NCAPD3: variants seen among roughly 807,000 people sequenced by gnomAD.
The protein encoded by NCAPD3 is non-SMC condensin II complex subunit D3, also known as condensin-2 complex subunit D3.
NCAPD3 carries 105 observed loss-of-function variants against 182.9 expected under a neutral mutation model. The ratio of observed to expected loss-of-function variants is 0.57; its 90% CI spans 0.49 to 0.68. The LOEUF (loss-of-function observed/expected upper bound fraction) is 0.68, where lower values mean the gene tolerates loss of function less well. Among genes scored for constraint, NCAPD3 ranks in the 30% least tolerant of loss-of-function variants. The pLI, the probability that NCAPD3 is intolerant of heterozygous loss-of-function variation, is 0.00. For synonymous variants in NCAPD3, 815 were observed against 679.9 expected, an observed-to-expected ratio of 1.20 and a Z score of -3.09; for missense variants, 1,944 against 1,837.0, an observed-to-expected ratio of 1.06 and a Z score of -1.07.
At position 134,158,434 on chromosome 11, in the gene NCAPD3, G is replaced by A; in HGVS notation, c.3929C>T (p.Pro1310Leu). The change falls in exon 30 of 35, where the codon CCT (proline) becomes CTT (leucine). Residue 1310 changes from proline to leucine, a missense_variant. This residue lies in a region of NCAPD3 where 1,803 missense variants were observed against 1,674.6 expected (regional missense o/e 1.08). Coordinates refer to ENST00000534548, the MANE Select transcript of NCAPD3 (RefSeq NM_015261.3). ...PAGQENPAMS[P>L]AVSQPCTPRA... ...GGGTGTGCAGGGCTGGCTCACGGCAGGTGACATGGCAGGGTTTTCTTGGCC... is the reference window on the plus strand; with the variant it reads ...GGGTGTGCAGGGCTGGCTCACGGCAAGTGACATGGCAGGGTTTTCTTGGCC... The A allele has an allele frequency of 6.2e-7, 1 of 1,614,216 alleles. No individual in the cohort carries two copies. The highest frequency in any genetic ancestry group is 8.5e-7 in the Non-Finnish European group (1 of 1,180,048).
At position 134,204,195 on chromosome 11, in the gene NCAPD3, A is replaced by C; in HGVS notation, c.1090-24T>G. 6.2e-7 allele frequency: 1 copy of C among 1,610,922 alleles called. No individual in the cohort carries two copies. Among genetic ancestry groups the C allele is most frequent in the Non-Finnish European group, 8.5e-7 (1 of 1,178,356 alleles). On this transcript the variant is annotated intron_variant, in intron 9 of 34. Transcript: ENST00000534548. The surrounding 1 kb of genome is among the most constrained non-coding windows in gnomAD (Gnocchi z 4.3). The stretch of plus-strand genomic sequence containing the variant: ...ACCTGAAAAGCAAAAAGAGAAGTTG[A>C]CCAACCAATATCCACCCGCAGGATG...
At chr11:134,217,165 T>C in intron 2 of NCAPD3, 67 bp from the exon 3 acceptor site, 5 of 1,426,648 alleles carry the variant, frequency 3.5e-6, no homozygotes, top group East Asian at 2.5e-5. Context: ...TATTATTTGA[T>C]TTTTGTAAGT....
chr11:134,224,001 C>T (rs1938352802), upstream of NCAPD3: 1 of 1,545,298 alleles, frequency 6.5e-7, no homozygotes, highest in Admixed American at 1.9e-5. Context: ...CGAGTCGTTC[C>T]TGTGGACCAA....
chr11:134,176,304 T>C lies in NCAPD3; in HGVS notation c.3101+3A>G. The C allele has an allele frequency of 1.2e-6, 2 of 1,613,116 alleles. No individual in the cohort carries two copies. Among genetic ancestry groups the C allele is most frequent in the Non-Finnish European group, 8.5e-7 (1 of 1,179,054 alleles). ...AGTCGTCTGACGTGAGGAAAAGATT[T>C]ACCTGGCAATGTCTGGGTGTGAATC... On this transcript the variant is annotated splice_donor_region_variant and intron_variant, in intron 24 of 34. Coordinates refer to ENST00000534548, the MANE Select transcript of NCAPD3 (RefSeq NM_015261.3).
intron 32 of NCAPD3, 56 bp from the exon 33 acceptor site, chr11:134,153,419 T>G: frequency 3.8e-6 from 6 of 1,561,084 alleles, no homozygotes; most frequent in Non-Finnish European, 5.3e-6. Flanking sequence ...CGGAGGTCTC[T>G]GTTCTAGTTG....
At chr11:134,175,098 T>C (rs888891366) in intron 24 of NCAPD3, among the ~76,000 whole-genome samples, 37 of 152,244 alleles carry the variant, frequency 2.4e-4, no homozygotes, top group African/African-American at 8.9e-4. Context: ...TGCTCTTCAT[T>C]TGATTGATGA....
chr11:134,160,520 T>C (rs1269003569), intron 28 of NCAPD3, among the ~76,000 whole-genome samples: 1 of 152,180 alleles, frequency 6.6e-6, no homozygotes, highest in East Asian at 1.9e-4. Context: ...TGCTCATCTG[T>C]CTACATTAGC....
chr11:134,177,516 A>G, intron 22 of NCAPD3, 59 bp from the exon 23 acceptor site: 1 of 1,471,988 alleles, frequency 6.8e-7, no homozygotes, highest in Non-Finnish European at 9.4e-7. Flanking sequence ...TCCATTCCTA[A>G]ATTTTCTCCA....
Position 134,167,978 on chromosome 11 carries a change from G to C in NCAPD3, c.3573+18C>G, listed in dbSNP as rs749768183. The C allele has an allele frequency of 1.9e-6, 3 of 1,611,358 alleles. No individual in the cohort carries two copies. The Admixed American group carries it at 5.0e-5, about 27-fold the overall frequency. On this transcript the variant is annotated intron_variant, in intron 27 of 34. Coordinates refer to ENST00000534548, the MANE Select transcript of NCAPD3 (RefSeq NM_015261.3). Reference sequence around the variant, plus strand: ...ACTCACTTGTGAGAAGATGATCTTAGGGGAGCAACACACTCACTTGTGAGA... The same window carrying C: ...ACTCACTTGTGAGAAGATGATCTTACGGGAGCAACACACTCACTTGTGAGA...
intron 22 of NCAPD3, 44 bp from the exon 23 acceptor site, chr11:134,177,501 C>T (rs2135975314): frequency 2.6e-6 from 4 of 1,543,300 alleles, no homozygotes; most frequent in Middle Eastern, 1.7e-4. Flanking sequence ...ATTCTAAATC[C>T]TAATTCCATT....
chr11:134,222,937 TC>T (rs1938289044), intron 1 of NCAPD3, among the ~76,000 whole-genome samples: 1 of 152,224 alleles, frequency 6.6e-6, no homozygotes, highest in African/African-American at 2.4e-5. Context: ...GATATTGTAC[TC>T]CCCATTTGAC....
chr11:134,168,862 AT>A (rs907407504), intron 25 of NCAPD3, 54 bp downstream of exon 25: 1 of 1,571,398 alleles, frequency 6.4e-7, no homozygotes, highest in Non-Finnish European at 8.6e-7. Context: ...ACCTCCCCTG[AT>A]TCCCCCAGCT....
In NCAPD3 at chr11:134,192,856, C is replaced by T. The variant is rs145787978; in HGVS notation, c.1878G>A (p.Pro626=). The T allele has an allele frequency of 1.3e-4, 202 of 1,613,922 alleles. No individual in the cohort carries two copies. The highest frequency in any genetic ancestry group is 1.5e-4 in the Non-Finnish European group (180 of 1,179,932). Residue 626 remains proline, a synonymous_variant, in exon 16 of 35, where the codon CCG becomes CCA. Coordinates refer to ENST00000534548, the MANE Select transcript of NCAPD3 (RefSeq NM_015261.3). The part of the protein sequence containing the change: ...IQKAWLRGVV[P]VVMDCESTVQ... ...CAGTGCTCTCGCAGTCCATCACCAC[C>T]GGGACCACCCCCCGCAACCAGGCTT...
intron 13 of NCAPD3, among the ~76,000 whole-genome samples, 184 bp from the exon 14 acceptor site, chr11:134,194,922 T>C (rs1338420271): frequency 6.6e-6 from 1 of 152,222 alleles, no homozygotes; most frequent in African/African-American, 2.4e-5. Flanking sequence ...CTGTAATGCA[T>C]ATAAACTTTG....
chr11:134,221,779 C>A (rs188236641), intron 1 of NCAPD3, among the ~76,000 whole-genome samples: 1 of 152,208 alleles, frequency 6.6e-6, no homozygotes, highest in Admixed American at 6.5e-5. Flanking sequence ...AAAGGCCTTA[C>A]ACTCAACTAG....
At chr11:134,212,570 T>C (rs1325220249) in intron 3 of NCAPD3, among the ~76,000 whole-genome samples, 1 of 152,144 alleles carries the variant, frequency 6.6e-6, no homozygotes, top group Admixed American at 6.5e-5. Flanking sequence ...TGTTTTCTTT[T>C]TTGGTAGAGA....
intron 24 of NCAPD3, among the ~76,000 whole-genome samples, chr11:134,169,273 A>AT (rs938939108): frequency 6.6e-6 from 1 of 152,100 alleles, no homozygotes; most frequent in Non-Finnish European, 1.5e-5. Context: ...AGGTAAGTAT[A>AT]TTTTTTCCAC....
In NCAPD3 at chr11:134,202,312, A is replaced by G. The variant is rs559969404; in HGVS notation, c.1615+504T>C. ...GAGGGTGTTACAACCGGAAAACGAC[A>G]GGTATACCCCTAGATCATGCAGCTA... On this transcript the variant is annotated intron_variant, in intron 13 of 34. Coordinates refer to ENST00000534548, the MANE Select transcript of NCAPD3 (RefSeq NM_015261.3). 2.0e-5 allele frequency among the ~76,000 whole-genome samples: 3 copies of G among 152,346 alleles called. No individual in the cohort carries two copies. The South Asian group carries it at 6.2e-4, about 32-fold the overall frequency.
At chr11:134,174,382 CA>C (rs34533048) in intron 24 of NCAPD3, among the ~76,000 whole-genome samples, 11,348 of 53,420 alleles carry the variant, frequency 0.21, 161 homozygotes, top group South Asian at 0.35. Context: ...GACCCTGTCT[CA>C]AAAAAAAAAA....
Sources: allele counts gnomAD v4.1 joint callset (sites outside exome capture counted in the v4.1 genomes callset), GRCh38; gene constraint gnomAD v4.1.1; regional missense constraint gnomAD v4.1.1; non-coding constraint Gnocchi (gnomAD v3.1); transcripts MANE v1.5; gene names NCBI Gene and HGNC (gene_info 2026-07-23, HGNC 2026-07-21).